The following PDE3B variants were observed in gnomAD, a reference collection of about 807,000 sequenced individuals.
The protein encoded by PDE3B is cGMP-inhibited 3',5'-cyclic phosphodiesterase 3B.
PDE3B carries 66 observed loss-of-function variants against 116.8 expected under a neutral mutation model. The observed-to-expected ratio is 0.56, with a 90% CI of 0.46 to 0.69. PDE3B has a LOEUF of 0.69. PDE3B is among the 30% of genes least tolerant of loss of function. The pLI is 0.00. For synonymous variants in PDE3B, 595 were observed against 533.6 expected, an observed-to-expected ratio of 1.12 and a Z score of -1.59; for missense variants, 1,384 against 1,368.1, an observed-to-expected ratio of 1.01 and a Z score of -0.18.
chr11:14,728,290 T>C (rs1856369432), intron 1 of PDE3B, among the ~76,000 whole-genome samples: 1 of 152,078 alleles, frequency 6.6e-6, no homozygotes. Context: ...GTTTTTATGC[T>C]TTCTGTGAAA....
chr11:14,830,837 GCAAA>G lies in PDE3B; in HGVS notation c.1952_1955del (p.Thr651IlefsTer10), dbSNP rs753422786. 2.7e-6 allele frequency: 4 copies of G among 1,490,258 alleles called. No homozygotes were observed. The highest frequency in any genetic ancestry group is 3.6e-6 in the Non-Finnish European group (4 of 1,123,566). The allele number at this position is 1,490,258 out of a possible 1,614,324, so 92.3% of individuals were successfully genotyped here. ...TAACAGAAGAGGCACAGAGTGAACA[GCAAA>G]CAAATGTAAAAGATAAACTTTCAAT... On this transcript the variant is annotated frameshift_variant, in exon 8 of 16. Coordinates refer to ENST00000282096, the MANE Select transcript of PDE3B (RefSeq NM_000922.4). LOFTEE classifies it high-confidence loss of function.
chr11:14,776,491 T>A (rs1857789286), intron 2 of PDE3B: 1 of 152,386 alleles, frequency 6.6e-6, no homozygotes, highest in Non-Finnish European at 1.5e-5. Flanking sequence ...AAGGCACCAG[T>A]GTGGACTGTG....
chr11:14,850,050 G>T (rs1180842294), intron 12 of PDE3B, among the ~76,000 whole-genome samples: 1 of 152,226 alleles, frequency 6.6e-6, no homozygotes, highest in South Asian at 2.1e-4. Context: ...TATGTTTATT[G>T]CGGCATTATT....
chr11:14,830,663 T>C, intron 7 of PDE3B, 35 bp from the exon 8 acceptor site: 1 of 1,024,648 alleles, frequency 9.8e-7, no homozygotes. Flanking sequence ...GGGCACATTT[T>C]ACTCCTATAT....
chr11:14,775,786 C>T (rs1039728486), intron 2 of PDE3B: 1 of 152,322 alleles, frequency 6.6e-6, no homozygotes, highest in African/African-American at 2.4e-5. Context: ...ATCTGCCCAC[C>T]TCGGCCTCCC....
At chr11:14,659,651 C>T (rs1444453300) in intron 1 of PDE3B, among the ~76,000 whole-genome samples, 1 of 152,176 alleles carries the variant, frequency 6.6e-6, no homozygotes, top group African/African-American at 2.4e-5. Context: ...CATCCTGTCC[C>T]TCCTCCCACT....
chr11:14,867,418 T>TA (rs1365232458), intron 14 of PDE3B, 88 bp from the exon 15 acceptor site: 5 of 1,148,910 alleles, frequency 4.4e-6, no homozygotes, highest in South Asian at 3.1e-5. Context: ...TTGTTTATTT[T>TA]AAAAAAACTC....
downstream of PDE3B, among the ~76,000 whole-genome samples, chr11:14,877,027 G>A (rs1032873402): frequency 6.6e-6 from 1 of 152,094 alleles, no homozygotes; most frequent in African/African-American, 2.4e-5. Flanking sequence ...ATTCTTAATA[G>A]AAGTCATTGT....
intron 1 of PDE3B, among the ~76,000 whole-genome samples, chr11:14,667,112 TGAG>T (rs1364033040): frequency 2.0e-5 from 3 of 150,996 alleles, no homozygotes; most frequent in Non-Finnish European, 1.5e-5. Context: ...CCGTAAAAAA[TGAG>T]GAGTTCATGT....
At chr11:14,861,068 A>G in intron 13 of PDE3B, 137 bp from the exon 14 acceptor site, 1 of 620,038 alleles carries the variant, frequency 1.6e-6, no homozygotes. Flanking sequence ...AGCTGATTTT[A>G]AAAAGAACTA....
chr11:14,763,490 T>G (rs1475607927), intron 1 of PDE3B, among the ~76,000 whole-genome samples: 1 of 151,934 alleles, frequency 6.6e-6, no homozygotes, highest in Non-Finnish European at 1.5e-5. Context: ...ATGATCATGA[T>G]AAAGGGGTGT....
chr11:14,702,712 T>C (rs771750140), intron 1 of PDE3B, among the ~76,000 whole-genome samples: 6 of 151,956 alleles, frequency 3.9e-5, no homozygotes, highest in South Asian at 2.1e-4. Context: ...AGCCACACTT[T>C]AAGTGCAGAT....
intron 1 of PDE3B, among the ~76,000 whole-genome samples, chr11:14,760,818 G>A (rs562299936): frequency 6.6e-6 from 1 of 152,078 alleles, no homozygotes; most frequent in South Asian, 2.1e-4. Context: ...ATATTTCTGT[G>A]GTACATGTGA....
downstream of PDE3B, among the ~76,000 whole-genome samples, chr11:14,875,315 C>G (rs1246202508): frequency 6.6e-6 from 1 of 152,092 alleles, no homozygotes; most frequent in Non-Finnish European, 1.5e-5. Context: ...ATTCACCTTC[C>G]ATCTCCTAAA....
At chr11:14,860,907 A>C in intron 13 of PDE3B, among the ~76,000 whole-genome samples, 1 of 110,992 alleles carries the variant, frequency 9.0e-6, no homozygotes, top group African/African-American at 2.8e-5. Context: ...TAATAAATAC[A>C]TATATATATA....
intron 12 of PDE3B, among the ~76,000 whole-genome samples, chr11:14,853,214 C>G (rs907857261): frequency 5.3e-5 from 8 of 152,140 alleles, no homozygotes; most frequent in African/African-American, 1.9e-4. Context: ...TGCTCCTTCT[C>G]TGCTTTTTTT....
chr11:14,778,332 C>T (rs749555055), intron 2 of PDE3B, among the ~76,000 whole-genome samples: 18 of 152,298 alleles, frequency 1.2e-4, no homozygotes, highest in Middle Eastern at 3.4e-3. Flanking sequence ...TCTCCCAGCA[C>T]GGAGTTTGAG....
intron 1 of PDE3B, among the ~76,000 whole-genome samples, chr11:14,696,297 A>G (rs1402618690): frequency 6.6e-6 from 1 of 152,106 alleles, no homozygotes; most frequent in Non-Finnish European, 1.5e-5. Context: ...TGTTGGCTAC[A>G]TGTATGTCTT....
intron 1 of PDE3B, among the ~76,000 whole-genome samples, chr11:14,691,055 A>G (rs1288286915): frequency 1.3e-5 from 2 of 152,156 alleles, no homozygotes; most frequent in Non-Finnish European, 2.9e-5. Context: ...AGAAATAGTG[A>G]CGAGAGCAGG....
Sources: gnomAD v4.1 joint callset for allele counts (sites outside exome capture counted in the v4.1 genomes callset) on GRCh38, gnomAD v4.1.1 for gene constraint, MANE v1.5 for transcripts, NCBI Gene and HGNC (gene_info 2026-07-23, HGNC 2026-07-21) for gene names.